The following PLCL1 variants were observed in gnomAD, a reference collection of about 807,000 sequenced individuals.
PLCL1 encodes the protein phospholipase C like 1 (inactive), also known as inactive phospholipase C-like protein 1.
In PLCL1, 41 loss-of-function variants were observed where a neutral mutation model predicts 84.4. The observed-to-expected ratio is 0.49, with a 90% CI of 0.38 to 0.63. The LOEUF is 0.63. Ranked by LOEUF, PLCL1 falls within the 30% of genes least tolerant of loss-of-function variation. PLCL1 has a pLI of 0.00. For missense variants in PLCL1, 1,206 were observed against 1,367.8 expected (o/e 0.88, Z 1.87); for synonymous variants, 490 against 488.3 (o/e 1.00, Z -0.05).
chr2:198,039,210 G>A (rs1057258359), intron 1 of PLCL1, among the ~76,000 whole-genome samples: 1 of 152,124 alleles, frequency 6.6e-6, no homozygotes, highest in Non-Finnish European at 1.5e-5. Flanking sequence ...AGAGTAGTTG[G>A]CATGGTTGTT....
intron 1 of PLCL1, among the ~76,000 whole-genome samples, chr2:198,075,698 A>G (rs1042260310): frequency 6.6e-6 from 1 of 152,196 alleles, no homozygotes; most frequent in Non-Finnish European, 1.5e-5. Context: ...AACATCTTTA[A>G]TGTTATTTAA....
chr2:197,955,253 T>C (rs932638144), intron 1 of PLCL1, among the ~76,000 whole-genome samples: 1 of 152,040 alleles, frequency 6.6e-6, no homozygotes, highest in Admixed American at 6.6e-5. Flanking sequence ...GTAAAAGCCT[T>C]TGGTGGCTTC....
chr2:197,941,614 A>G (rs1050346409), intron 1 of PLCL1, among the ~76,000 whole-genome samples: 1 of 152,202 alleles, frequency 6.6e-6, no homozygotes, highest in Non-Finnish European at 1.5e-5. Flanking sequence ...AATTGATTAA[A>G]TAAAAAAGAA....
intron 1 of PLCL1, among the ~76,000 whole-genome samples, chr2:197,827,201 T>G (rs1044447096): frequency 2.0e-5 from 3 of 152,176 alleles, no homozygotes; most frequent in Non-Finnish European, 4.4e-5. Context: ...TAAAAGTTTT[T>G]GATGACTTCT....
At chr2:197,935,295 C>T (rs1248062153) in intron 1 of PLCL1, among the ~76,000 whole-genome samples, 1 of 152,062 alleles carries the variant, frequency 6.6e-6, no homozygotes, top group Non-Finnish European at 1.5e-5. Context: ...ATTAATTCTG[C>T]CCTAAAGACT....
Position 198,084,387 on chromosome 2 carries a change from C to T in PLCL1, c.870C>T (p.Ser290=). 1.2e-6 allele frequency: 2 copies of T among 1,614,128 alleles called. No homozygotes were observed. The highest frequency in any genetic ancestry group is 1.7e-6 in the Non-Finnish European group (2 of 1,179,982). The stretch of plus-strand genomic sequence containing the variant: ...TAAAGTTTAAAGAAATCCAGAAGAG[C>T]AAGGAAAAACTAACCACCCGCGTGA... The part of the protein sequence containing the change: ...IRLKFKEIQK[S]KEKLTTRVTE... The change falls in exon 2 of 6, where the codon AGC becomes AGT. Residue 290 remains serine (S), a synonymous_variant. Transcript: ENST00000428675.
chr2:197,976,272 C>T (rs886717463), intron 1 of PLCL1, among the ~76,000 whole-genome samples: 2 of 152,168 alleles, frequency 1.3e-5, no homozygotes, highest in South Asian at 4.1e-4. Context: ...TTCCATCTTA[C>T]ATTCAACTCA....
chr2:198,144,848 A>G (rs987092096), intron 5 of PLCL1, among the ~76,000 whole-genome samples: 9 of 152,168 alleles, frequency 5.9e-5, no homozygotes, highest in African/African-American at 2.2e-4. Context: ...GGTGCCCTGC[A>G]GAGAGTGCCT....
chr2:197,946,565 T>G (rs956818564), intron 1 of PLCL1, among the ~76,000 whole-genome samples: 1 of 152,152 alleles, frequency 6.6e-6, no homozygotes, highest in Non-Finnish European at 1.5e-5. Context: ...TAGAAAGATA[T>G]ATGAACAGAT....
At chr2:198,069,298 T>C (rs1303114955) in intron 1 of PLCL1, among the ~76,000 whole-genome samples, 1 of 151,678 alleles carries the variant, frequency 6.6e-6, no homozygotes, top group Non-Finnish European at 1.5e-5. Context: ...TGAAAACAGC[T>C]TGGACAACAT....
intron 5 of PLCL1, among the ~76,000 whole-genome samples, chr2:198,139,373 C>T (rs1694331685): frequency 6.6e-6 from 1 of 152,112 alleles, no homozygotes. Flanking sequence ...TAGTGTCTGT[C>T]TCTACATTTG....
At position 198,147,193 on chromosome 2, in the gene PLCL1, C is replaced by T. The variant is rs150952998; in HGVS notation, c.*231C>T. 2,298 of 252,398 alleles carry T rather than the reference C, an allele frequency of 9.1e-3. 47 individuals are homozygous for T. Among genetic ancestry groups the T allele is most frequent in the African/African-American group, 0.056 (2,039 of 36,138 alleles). The allele number at this position is 252,398 out of a possible 1,614,324, so 15.6% of individuals were successfully genotyped here. The stretch of plus-strand genomic sequence containing the variant: ...ATGTGTCAACACCCCTGTGTGGATG[C>T]CTGTGGAAGAGTGTGTGTGTGTGTG... On this transcript the variant is annotated 3_prime_UTR_variant, in exon 6 of 6. Coordinates refer to ENST00000428675, the MANE Select transcript of PLCL1 (RefSeq NM_006226.4).
At chr2:198,133,393 G>T (rs1200666505) in intron 5 of PLCL1, among the ~76,000 whole-genome samples, 1 of 121,102 alleles carries the variant, frequency 8.3e-6, no homozygotes, top group African/African-American at 3.1e-5. Flanking sequence ...GGGGGAGGGG[G>T]GAGGGATAGC....
chr2:198,145,069 A>G (rs1694486259), intron 5 of PLCL1, among the ~76,000 whole-genome samples: 1 of 152,194 alleles, frequency 6.6e-6, no homozygotes, highest in Non-Finnish European at 1.5e-5. Flanking sequence ...GATTGAATGA[A>G]CATGTATAAA....
chr2:198,088,621 T>C (rs557711150), intron 2 of PLCL1, among the ~76,000 whole-genome samples: 24 of 152,324 alleles, frequency 1.6e-4, no homozygotes, highest in African/African-American at 5.3e-4. Flanking sequence ...CAGTACTTAG[T>C]TGTGTGACTA....
At chr2:197,825,892 T>C (rs1690919065) in intron 1 of PLCL1, among the ~76,000 whole-genome samples, 1 of 152,264 alleles carries the variant, frequency 6.6e-6, no homozygotes, top group Admixed American at 6.5e-5. Context: ...ATATCTGTTA[T>C]ATATTTTAGA....
At chr2:197,847,570 C>G (rs1687147252) in intron 1 of PLCL1, among the ~76,000 whole-genome samples, 1 of 152,158 alleles carries the variant, frequency 6.6e-6, no homozygotes, top group South Asian at 2.1e-4. Flanking sequence ...GGATTAAATA[C>G]TCTGACCTAA....
chr2:197,929,178 C>G (rs1450833692), intron 1 of PLCL1, among the ~76,000 whole-genome samples: 1 of 152,106 alleles, frequency 6.6e-6, no homozygotes. Context: ...TTATACTGTA[C>G]TGAACGATTT....
intron 1 of PLCL1, among the ~76,000 whole-genome samples, chr2:197,923,025 G>A (rs536519285): frequency 4.8e-4 from 55 of 115,768 alleles, no homozygotes; most frequent in African/African-American, 1.7e-3. Flanking sequence ...CAGTAGGGGC[G>A]GCCGGGCAGA....
Sources: gnomAD v4.1 joint callset for allele counts (sites outside exome capture counted in the v4.1 genomes callset) on GRCh38, gnomAD v4.1.1 for gene constraint, MANE v1.5 for transcripts, NCBI Gene and HGNC (gene_info 2026-07-23, HGNC 2026-07-21) for gene names.